The following KDELR2 variants were observed in gnomAD, a reference collection of about 807,000 sequenced individuals.
KDELR2 encodes the protein KDEL endoplasmic reticulum protein retention receptor 2, also known as ER lumen protein-retaining receptor 2.
KDELR2 carries 15 observed loss-of-function variants against 23.9 expected under a neutral mutation model. That is an observed-to-expected ratio of 0.63 (90% CI 0.42 to 0.97). The LOEUF (loss-of-function observed/expected upper bound fraction) is 0.97. Among genes scored for constraint, KDELR2 ranks in the 50% least tolerant of loss-of-function variants. The probability of loss-of-function intolerance (pLI) is 0.00; values close to 1 mark genes in which losing one functional copy is unlikely to be tolerated. For missense variants in KDELR2, 272 were observed against 254.6 expected (o/e 1.07, Z -0.46); for synonymous variants, 119 against 106.2 (o/e 1.12, Z -0.74).
intron 1 of KDELR2, among the ~76,000 whole-genome samples, chr7:6,482,047 G>A (rs555691609): frequency 3.3e-5 from 5 of 151,854 alleles, no homozygotes; most frequent in Admixed American, 2.6e-4. Context: ...TCGTTGCCCA[G>A]GCTGGAGTGC....
At chr7:6,472,897 CTTTT>C (rs35369447) in intron 2 of KDELR2, among the ~76,000 whole-genome samples, 6 of 111,214 alleles carry the variant, frequency 5.4e-5, no homozygotes, top group Admixed American at 2.0e-4. Flanking sequence ...AGCCCCTGTT[CTTTT>C]TTTTTTTTTT....
rs1215013056 is a variant in KDELR2, at chr7:6,469,677, A to G, written c.270T>C (p.His90=). The change falls in exon 3 of 5, where the codon CAT becomes CAC. Residue 90 remains histidine, a synonymous_variant. Transcript: ENST00000258739. Reference sequence around the variant, plus strand: ...CCAGAAACTCCACTCGGAAGGTATCATGATTTCCATCGTAGGTTGCCTTAA... The same window carrying G: ...CCAGAAACTCCACTCGGAAGGTATCGTGATTTCCATCGTAGGTTGCCTTAA... ...LKFKATYDGN[H]DTFRVEFLVV... The G allele has an allele frequency of 2.3e-5, 37 of 1,614,046 alleles. No individual in the cohort carries two copies. The highest frequency in any genetic ancestry group is 3.1e-5 in the Non-Finnish European group (36 of 1,179,998).
intron 1 of KDELR2, chr7:6,482,348 C>T (rs991970687): frequency 2.3e-5 from 6 of 257,800 alleles, no homozygotes; most frequent in South Asian, 3.7e-5. Flanking sequence ...ATAAAGCACT[C>T]GGCTGACTAC....
intron 1 of KDELR2, among the ~76,000 whole-genome samples, chr7:6,479,476 G>A (rs1384222082): frequency 6.6e-6 from 1 of 151,162 alleles, no homozygotes; most frequent in Admixed American, 6.6e-5. Flanking sequence ...CTTTTTTTTT[G>A]TTTGTTTGTT....
chr7:6,477,876 C>T (rs1785789417), intron 1 of KDELR2, among the ~76,000 whole-genome samples: 1 of 152,172 alleles, frequency 6.6e-6, no homozygotes, highest in South Asian at 2.1e-4. Flanking sequence ...ACAACATACA[C>T]ATGTATTGAA....
At chr7:6,474,315 G>T in intron 1 of KDELR2, 31 bp from the exon 2 acceptor site, 2 of 1,450,064 alleles carry the variant, frequency 1.4e-6, no homozygotes, top group Non-Finnish European at 1.9e-6. Context: ...TATTAGAAGG[G>T]CCTGAAGAGC....
chr7:6,484,124 G>A lies in KDELR2; in HGVS notation c.-67C>T, dbSNP rs1484516101. 3.3e-6 allele frequency: 4 copies of A among 1,201,786 alleles called. No individual in the cohort carries two copies. The highest frequency in any genetic ancestry group is 4.2e-6 in the Non-Finnish European group (4 of 948,422). 74.4% of individuals were successfully genotyped at this position (1,201,786 alleles called of 1,614,324 possible). ...GGGGCTGGGCGGCTCAGGAGGCGGC[G>A]GCCCCTGAGAGGAAGCGGCGAAGAT... On this transcript the variant is annotated 5_prime_UTR_variant, in exon 1 of 5. Transcript: ENST00000258739.
At chr7:6,474,109 C>G (rs572778922) in intron 2 of KDELR2, 75 bp downstream of exon 2, 2 of 872,686 alleles carry the variant, frequency 2.3e-6, no homozygotes, top group Admixed American at 4.6e-5. Flanking sequence ...TAAAAATACA[C>G]AGCTGACATA....
rs1785640695 is a variant in KDELR2 at position 6,471,488 on chromosome 7, G to GT, written c.193-1735dup. Reference sequence around the variant, plus strand: ...AGCCACAGCACCCGGCCTGTTTTGGGTCTTTATTTAAAAGTCTGGTGGTGT... The same window carrying GT: ...AGCCACAGCACCCGGCCTGTTTTGGGTTCTTTATTTAAAAGTCTGGTGGTGT... On this transcript the variant is annotated intron_variant, in intron 2 of 4. Transcript: ENST00000258739. Among the ~76,000 whole-genome samples, 3 of 152,060 alleles carry GT rather than the reference G, an allele frequency of 2.0e-5. No individual in the cohort carries two copies. In the South Asian group the frequency reaches 6.2e-4, roughly 31 times the overall value.
intron 2 of KDELR2, among the ~76,000 whole-genome samples, chr7:6,473,285 ATCGCAG>A (rs1332162563): frequency 1.3e-5 from 2 of 151,816 alleles, no homozygotes; most frequent in African/African-American, 4.8e-5. Context: ...CCCATCATAA[ATCGCAG>A]TCATTTGTAC....
At chr7:6,471,425 C>G (rs1193192395) in intron 2 of KDELR2, among the ~76,000 whole-genome samples, 4 of 152,058 alleles carry the variant, frequency 2.6e-5, no homozygotes, top group Admixed American at 1.3e-4. Flanking sequence ...GGTGATCTGC[C>G]TGCCTCGGCT....
intron 4 of KDELR2, among the ~76,000 whole-genome samples, chr7:6,464,212 A>G (rs1323147850): frequency 6.1e-4 from 22 of 36,258 alleles, no homozygotes; most frequent in African/African-American, 1.2e-3. Flanking sequence ...AAAAAAAAAA[A>G]AAAAAAAAAA....
At chr7:6,476,648 C>T (rs1024979674) in intron 1 of KDELR2, among the ~76,000 whole-genome samples, 1 of 152,134 alleles carries the variant, frequency 6.6e-6, no homozygotes, top group Non-Finnish European at 1.5e-5. Flanking sequence ...ATACTGAAAA[C>T]CAGGGACCAT....
intron 4 of KDELR2, among the ~76,000 whole-genome samples, chr7:6,465,181 CTTT>C (rs1211865175): frequency 7.5e-5 from 10 of 134,140 alleles, no homozygotes; most frequent in Admixed American, 1.5e-4. Flanking sequence ...GCGTAAATAT[CTTT>C]TTTTTTTTTT....
intron 1 of KDELR2, among the ~76,000 whole-genome samples, chr7:6,481,800 G>A (rs1427405718): frequency 6.6e-6 from 1 of 152,004 alleles, no homozygotes; most frequent in East Asian, 1.9e-4. Flanking sequence ...TCTAAACATC[G>A]TGGTTTGGTA....
intron 1 of KDELR2, among the ~76,000 whole-genome samples, chr7:6,475,468 T>C (rs1000935061): frequency 1.3e-5 from 2 of 152,130 alleles, no homozygotes; most frequent in Non-Finnish European, 2.9e-5. Flanking sequence ...TCCATTGTAT[T>C]TGTATAAAAA....
At chr7:6,475,196 A>T (rs1785728087) in intron 1 of KDELR2, among the ~76,000 whole-genome samples, 1 of 152,112 alleles carries the variant, frequency 6.6e-6, no homozygotes, top group African/African-American at 2.4e-5. Context: ...TAATCTCCAC[A>T]TATAGGGGGG....
chr7:6,474,566 A>T (rs1394741252), intron 1 of KDELR2, among the ~76,000 whole-genome samples: 1 of 152,168 alleles, frequency 6.6e-6, no homozygotes, highest in Non-Finnish European at 1.5e-5. Context: ...ATTCAAACGA[A>T]CCTTTTACTT....
In KDELR2 at chr7:6,474,259, CAG is replaced by C; in HGVS notation, c.115_116del (p.Leu39ValfsTer21). ...AACGAGTTGTGAAGACCAGTGCAAA[CAG>C]AAGCTGGCTTTTCCCAGAAATACCT... is the stretch of plus-strand genomic sequence containing the variant. ...CAGISGKSQL[L>X]FALVFTTRYL... On this transcript the variant is annotated frameshift_variant, in exon 2 of 5. Coordinates refer to ENST00000258739, the MANE Select transcript of KDELR2 (RefSeq NM_006854.4). LOFTEE classifies it high-confidence loss of function. 1 of 1,613,660 alleles carries C rather than the reference CAG, an allele frequency of 6.2e-7. No individual in the cohort carries two copies. Among genetic ancestry groups the C allele is most frequent in the South Asian group, 1.1e-5 (1 of 91,070 alleles).
Sources: gnomAD v4.1 joint callset for allele counts (sites outside exome capture counted in the v4.1 genomes callset) on GRCh38, gnomAD v4.1.1 for gene constraint, MANE v1.5 for transcripts, NCBI Gene and HGNC (gene_info 2026-07-23, HGNC 2026-07-21) for gene names.